Variants in TBX3 observed in about 807,000 individuals in gnomAD.
TBX3 encodes the protein T-box transcription factor 3, also known as T-box transcription factor TBX3.
In TBX3, 11 loss-of-function variants were observed where a neutral mutation model predicts 47.8. The observed-to-expected ratio is 0.23, with a 90% confidence interval of 0.14 to 0.38. TBX3 has a LOEUF of 0.38. Among genes scored for constraint, TBX3 ranks in the 10% least tolerant of loss-of-function variants. The pLI is 1.00. For missense variants in TBX3, 927 were observed against 1,022.8 expected, an observed-to-expected ratio of 0.91 and a Z score of 1.28; for synonymous variants, 500 against 449.3, an observed-to-expected ratio of 1.11 and a Z score of -1.43.
chr12:114,671,296 G>C lies in TBX3; in HGVS notation c.*545C>G, dbSNP rs573631024. Reference sequence around the variant, plus strand: ...ATTTTCTTAATATAGACTAAACAAGGATGGTAGGGACTTCCCTCCCCAAAC... The same window carrying C: ...ATTTTCTTAATATAGACTAAACAAGCATGGTAGGGACTTCCCTCCCCAAAC... On this transcript the variant is annotated 3_prime_UTR_variant, in exon 7 of 7. Transcript: ENST00000349155. The C allele has an allele frequency of 6.7e-5, 16 of 239,384 alleles. No individual in the cohort carries two copies. Among genetic ancestry groups the C allele is most frequent in the Non-Finnish European group, 1.3e-4 (16 of 121,534 alleles). 14.8% of individuals were successfully genotyped at this position (239,384 alleles called of 1,614,324 possible).
chr12:114,682,743 T>G, intron 1 of TBX3, 69 bp downstream of exon 1: 1 of 1,611,598 alleles, frequency 6.2e-7, no homozygotes, highest in South Asian at 1.1e-5. Flanking sequence ...CCGACTGTTC[T>G]GGGAGCAGAG....
Position 114,671,983 on chromosome 12 carries a change from G to C in TBX3, c.2030C>G (p.Ser677Cys), listed in dbSNP as rs2121375338. 6.2e-7 allele frequency: 1 copy of C among 1,601,740 alleles called. No individual in the cohort carries two copies. Among genetic ancestry groups the C allele is most frequent in the Non-Finnish European group, 8.5e-7 (1 of 1,174,228 alleles). The change falls in exon 7 of 7, where the codon TCC becomes TGC. Residue 677 changes from serine (S) to cysteine (C), a missense_variant. Physicochemically the swap from Ser to Cys is moderately radical, Grantham distance 112 (BLOSUM62 -1). Transcript: ENST00000349155. ...DSGSELNSRS[S>C]TLSSSSMSLS... ...GGACATGGAGCTGGAGGAGAGCGTG[G>C]AGGAGCGGCTGTTGAGTTCAGAGCC...
Position 114,672,208 on chromosome 12 carries a change from G to A in TBX3, c.1805C>T (p.Ser602Leu). 6.4e-7 allele frequency: 1 copy of A among 1,572,232 alleles called. No individual in the cohort carries two copies. Among genetic ancestry groups the A allele is most frequent in the Non-Finnish European group, 8.6e-7 (1 of 1,159,598 alleles). ...AAASSAAASSSVHRHPFLNLN... is the reference protein window; with the variant it reads ...AAASSAAASSLVHRHPFLNLN... ...ATTGAGGAAGGGGTGGCGGTGCACC[G>A]AGCTGGAGGCTGCCGCAGAGGAGGC... Residue 602 changes from serine to leucine, a missense_variant, in exon 7 of 7, where the codon TCG becomes TTG. Ser to Leu is a moderately radical substitution (Grantham distance 145, BLOSUM62 -2). This residue lies in a region of TBX3 where 623 missense variants were observed against 569.0 expected (regional missense o/e 1.09). Coordinates refer to ENST00000349155, the MANE Select transcript of TBX3 (RefSeq NM_005996.4).
intron 5 of TBX3, among the ~76,000 whole-genome samples, chr12:114,675,474 C>T (rs930702919): frequency 1.3e-5 from 2 of 152,164 alleles, no homozygotes; most frequent in African/African-American, 2.4e-5. Context: ...AGCCCGGGGA[C>T]GATCATAGAT....
At chr12:114,673,818 G>T (rs1378590980) in intron 6 of TBX3, among the ~76,000 whole-genome samples, 2 of 152,228 alleles carry the variant, frequency 1.3e-5, no homozygotes, top group Admixed American at 6.5e-5. Flanking sequence ...GTAAAGTGGA[G>T]GTGATAATAG....
intron 3 of TBX3, among the ~76,000 whole-genome samples, chr12:114,677,882 T>C (rs756297400): frequency 1.7e-4 from 26 of 152,200 alleles, no homozygotes; most frequent in Non-Finnish European, 3.7e-4. Context: ...ATTCTTTTCT[T>C]TGGGCAGCCA....
chr12:114,681,951 G>A (rs1868947646), intron 1 of TBX3, among the ~76,000 whole-genome samples: 2 of 152,252 alleles, frequency 1.3e-5, no homozygotes, highest in Admixed American at 1.3e-4. Context: ...CATTTAGCTT[G>A]GAAGGAGACA....
intron 6 of TBX3, among the ~76,000 whole-genome samples, chr12:114,673,746 T>C (rs1868559325): frequency 6.6e-6 from 1 of 152,214 alleles, no homozygotes; most frequent in South Asian, 2.1e-4. Context: ...AGCTCCACCA[T>C]GTACCCGCTG....
At chr12:114,677,490 G>A (rs1868759805) in intron 4 of TBX3, 90 bp downstream of exon 4, 2 of 1,248,446 alleles carry the variant, frequency 1.6e-6, no homozygotes, top group Non-Finnish European at 2.3e-6. Flanking sequence ...CTTAGGATAA[G>A]TGCCTGCATC....
chr12:114,678,122 G>A (rs1044524474), intron 3 of TBX3, among the ~76,000 whole-genome samples: 2 of 151,204 alleles, frequency 1.3e-5, no homozygotes, highest in Non-Finnish European at 3.0e-5. Flanking sequence ...GAGTGAGTGC[G>A]GGAGTGAGTT....
Position 114,676,324 on chromosome 12 carries a change from G to A in TBX3, c.1028C>T (p.Ser343Leu), listed in dbSNP as rs374337915. 8 of 1,613,884 alleles carry A rather than the reference G, an allele frequency of 5.0e-6. No homozygotes were observed. The highest frequency in any genetic ancestry group is 5.9e-6 in the Non-Finnish European group (7 of 1,180,030). Residue 343 changes from serine (S) to leucine (L), a missense_variant, in exon 5 of 7, where the codon TCG becomes TTG. Transcript: ENST00000349155. ...GTGACATGGTTTACCTTTGAGGTTC[G>A]ATGTCCCTACAGTGGAGGCGGCTGG... ...SSPAASTVGT[S>L]NLKDLCPSEG...
chr12:114,672,867 G>A (rs577353703), intron 6 of TBX3, among the ~76,000 whole-genome samples: 2 of 152,188 alleles, frequency 1.3e-5, no homozygotes, highest in East Asian at 3.9e-4. Flanking sequence ...AAAAAAAACA[G>A]ACAGTGAAGA....
At chr12:114,674,136 C>CT in intron 6 of TBX3, 29 bp downstream of exon 6, 35 of 1,570,922 alleles carry the variant, frequency 2.2e-5, no homozygotes, top group Non-Finnish European at 3.0e-5. Context: ...GGTGGAAAGA[C>CT]TGGTGGAGGC....
In TBX3 at chr12:114,680,199, G is replaced by A. The variant is rs1868867384; in HGVS notation, c.658-548C>T. 3 of 570,308 alleles carry A rather than the reference G, an allele frequency of 5.3e-6. No individual in the cohort carries two copies. The South Asian group carries it at 6.3e-5, about 12-fold the overall frequency. 35.3% of individuals were successfully genotyped at this position (570,308 alleles called of 1,614,324 possible). On this transcript the variant is annotated intron_variant, in intron 2 of 6. Transcript: ENST00000349155. Reference sequence around the variant, plus strand: ...GGCCTAATCTTTCTGCTTACTCCTTGCTTATCACGCTGTTTATTTTATTGA... The same window carrying A: ...GGCCTAATCTTTCTGCTTACTCCTTACTTATCACGCTGTTTATTTTATTGA...
intron 1 of TBX3, 108 bp from the exon 2 acceptor site, chr12:114,681,254 T>C (rs1342261966): frequency 6.9e-7 from 1 of 1,444,404 alleles, no homozygotes; most frequent in African/African-American, 1.4e-5. Context: ...AGACTTTATA[T>C]TGTGACTGAT....
intron 6 of TBX3, 60 bp from the exon 7 acceptor site, chr12:114,672,362 C>T: frequency 1.5e-5 from 21 of 1,369,350 alleles, no homozygotes; most frequent in Non-Finnish European, 1.9e-5. Context: ...TATCTCATCC[C>T]TCTCCTCTCT....
At chr12:114,676,279 G>A (rs1868705061) in intron 5 of TBX3, 34 bp downstream of exon 5, 1 of 1,612,472 alleles carries the variant, frequency 6.2e-7, no homozygotes. Flanking sequence ...ACGAGGGACT[G>A]GAGTCCAGTG....
rs1057484375 is a variant in TBX3, at chr12:114,671,769, T to C, written c.*72A>G. On this transcript the variant is annotated 3_prime_UTR_variant, in exon 7 of 7. Transcript: ENST00000349155. ...GGCTAACGCCATGGCGGGCCCGTGG[T>C]TTATTTTATATCCGACAAAGTGCAC... 3 of 1,535,634 alleles carry C rather than the reference T, an allele frequency of 2.0e-6. No homozygotes were observed. In the African/African-American group the frequency reaches 4.1e-5, roughly 21 times the overall value.
In TBX3 at chr12:114,673,940, C is replaced by A. The variant is rs73400700; in HGVS notation, c.1710+225G>T. On this transcript the variant is annotated intron_variant, in intron 6 of 6. Coordinates refer to ENST00000349155, the MANE Select transcript of TBX3 (RefSeq NM_005996.4). ...TCTTTGTTACTACCTATCTACTCTG[C>A]TGGAAACAGCCTTTAACTTCGGAAA... 0.058 allele frequency among the ~76,000 whole-genome samples: 8,776 copies of A among 152,270 alleles called. 734 individuals carry two copies. The highest frequency in any genetic ancestry group is 0.18 in the African/African-American group (7,601 of 41,514).
Sources: gnomAD v4.1 joint callset for allele counts (sites outside exome capture counted in the v4.1 genomes callset) on GRCh38, gnomAD v4.1.1 for gene constraint, gnomAD v4.1.1 regional missense constraint, MANE v1.5 for transcripts, NCBI Gene and HGNC (gene_info 2026-07-23, HGNC 2026-07-21) for gene names.